VWA3A: variants seen among roughly 807,000 people sequenced by gnomAD.
The protein encoded by VWA3A is von Willebrand factor A domain containing 3A.
VWA3A carries 134 observed loss-of-function variants against 160.4 expected under a neutral mutation model. The observed-to-expected ratio is 0.84, with a 90% CI of 0.73 to 0.96. The LOEUF (loss-of-function observed/expected upper bound fraction) is 0.96. Among genes scored for constraint, VWA3A ranks in the 40% least tolerant of loss-of-function variants. VWA3A has a pLI of 0.00. For synonymous variants in VWA3A, 476 were observed against 543.4 expected (o/e 0.88, Z 1.72); for missense variants, 1,310 against 1,447.9 (o/e 0.90, Z 1.55).
rs1457419917 is a variant in VWA3A at position 22,141,680 on chromosome 16, G to A, written c.2482G>A (p.Gly828Arg). 3 of 1,609,390 alleles carry A rather than the reference G, an allele frequency of 1.9e-6. No homozygotes were observed. The Admixed American group carries it at 5.1e-5, about 27-fold the overall frequency. The change falls in exon 24 of 34, where the codon GGG becomes AGG. Residue 828 changes from glycine (G) to arginine (R), a missense_variant. By Grantham distance (125) the Gly-to-Arg change is moderately radical. Transcript: ENST00000389398. ...TCTTTTACTGTTCTACACAGAGAAA[G>A]GGAATGACGTGGGTAAGTTAGAGGC... ...TSLLLFYTEK[G>R]NDVGSVYKKY...
chr16:22,154,885 C>T (rs1225775734), intron 31 of VWA3A, among the ~76,000 whole-genome samples: 3 of 137,290 alleles, frequency 2.2e-5, no homozygotes, highest in Non-Finnish European at 4.6e-5. Flanking sequence ...ACCCGGGAAG[C>T]GGAGCTTGCA....
chr16:22,150,213 C>A (rs964354704), intron 29 of VWA3A, among the ~76,000 whole-genome samples: 2 of 152,160 alleles, frequency 1.3e-5, no homozygotes, highest in Admixed American at 1.3e-4. Context: ...ACCATCCTGA[C>A]CAACATGGTG....
intron 17 of VWA3A, among the ~76,000 whole-genome samples, chr16:22,127,158 G>T (rs113192491): frequency 8.6e-5 from 13 of 151,470 alleles, no homozygotes; most frequent in Non-Finnish European, 1.8e-4. Context: ...ATGGAGTCTC[G>T]CTCTGTTGCC....
At chr16:22,098,621 T>C (rs2045360497) in intron 3 of VWA3A, among the ~76,000 whole-genome samples, 1 of 152,180 alleles carries the variant, frequency 6.6e-6, no homozygotes, top group East Asian at 1.9e-4. Context: ...CCATTCTCTA[T>C]GCAAATGAAC....
intron 17 of VWA3A, among the ~76,000 whole-genome samples, chr16:22,127,691 T>C (rs1037429499): frequency 1.3e-5 from 2 of 152,210 alleles, no homozygotes; most frequent in African/African-American, 2.4e-5. Flanking sequence ...ATTCATTCAT[T>C]CAGCAATGTT....
intron 6 of VWA3A, among the ~76,000 whole-genome samples, chr16:22,109,045 A>T (rs978696351): frequency 4.6e-5 from 7 of 152,346 alleles, no homozygotes; most frequent in Middle Eastern, 3.4e-3. Flanking sequence ...CAACTCAGAG[A>T]TACCATTGCA....
At chr16:22,100,581 TC>T (rs2045393542) in intron 5 of VWA3A, 88 bp downstream of exon 5, 2 of 1,331,442 alleles carry the variant, frequency 1.5e-6, no homozygotes, top group African/African-American at 1.5e-5. Context: ...ATACCTGTAA[TC>T]CCAGTACTTT....
In VWA3A at chr16:22,109,699, CAGTTCACACTTAATT is replaced by C; in HGVS notation, c.582+122_582+136del. The stretch of plus-strand genomic sequence containing the variant: ...GCAAGATAGGGTGTCTTATAAAGAA[CAGTTCACACTTAATT>C]AGCACCTGTGGTTAGAGAACTATGT... On this transcript the variant is annotated intron_variant, in intron 7 of 33. Transcript: ENST00000389398. The C allele has an allele frequency of 3.7e-6, 3 of 806,050 alleles. No homozygotes were observed. The Admixed American group carries it at 6.6e-5, about 18-fold the overall frequency. The allele number at this position is 806,050 out of a possible 1,614,324, so 49.9% of individuals were successfully genotyped here.
chr16:22,094,512 G>A (rs2045286178), intron 1 of VWA3A, among the ~76,000 whole-genome samples: 2 of 151,944 alleles, frequency 1.3e-5, no homozygotes, highest in Admixed American at 1.3e-4. Context: ...CTCACTTGCT[G>A]TGTCTTAGCT....
chr16:22,096,482 C>T (rs997648690), intron 1 of VWA3A, among the ~76,000 whole-genome samples: 6 of 152,126 alleles, frequency 3.9e-5, no homozygotes, highest in South Asian at 4.2e-4. Context: ...AATGGCCGGG[C>T]GTGGTGACTC....
In VWA3A at chr16:22,133,038, G is replaced by A. The variant is rs143799194; in HGVS notation, c.2011G>A (p.Ala671Thr). The A allele has an allele frequency of 2.2e-4, 363 of 1,613,834 alleles. 2 individuals are homozygous for A. The East Asian group carries it at 7.0e-3, about 31-fold the overall frequency. ...TGCCAGTCACACTGACACAGCCGCCGCCTACAAGGAGGTCACCCGGGCTGC... is the reference window on the plus strand; with the variant it reads ...TGCCAGTCACACTGACACAGCCGCCACCTACAAGGAGGTCACCCGGGCTGC... ...RYASHTDTAA[A>T]YKEVTRAAGG... The change falls in exon 20 of 34, where the codon GCC becomes ACC. Residue 671 changes from alanine (A) to threonine (T), a missense_variant. Coordinates refer to ENST00000389398, the MANE Select transcript of VWA3A (RefSeq NM_173615.5).
chr16:22,096,963 ATTTTTTTTTT>A lies in VWA3A; in HGVS notation c.101+29_101+38del. The A allele has an allele frequency of 9.3e-7, 1 of 1,079,058 alleles. No homozygotes were observed. Among genetic ancestry groups the A allele is most frequent in the Non-Finnish European group, 1.3e-6 (1 of 783,744 alleles). 66.8% of individuals were successfully genotyped at this position (1,079,058 alleles called of 1,614,324 possible). On this transcript the variant is annotated intron_variant, in intron 2 of 33. Coordinates refer to ENST00000389398, the MANE Select transcript of VWA3A (RefSeq NM_173615.5). ...AACCATTGGTAAGCATAGTTCTCTGATTTTTTTTTTTTTTTTTTTTGAGGCAGATTCTCGC... is the reference window on the plus strand; with the variant it reads ...AACCATTGGTAAGCATAGTTCTCTGATTTTTTTTTTGAGGCAGATTCTCGC...
intron 16 of VWA3A, among the ~76,000 whole-genome samples, chr16:22,124,567 TATTATTATTAGA>T (rs1311163117): frequency 4.3e-5 from 6 of 139,714 alleles, no homozygotes; most frequent in Non-Finnish European, 7.7e-5. Context: ...TTATTATTAT[TATTATTATTAGA>T]GACAGAGTCT....
intron 24 of VWA3A, 119 bp from the exon 25 acceptor site, chr16:22,142,549 C>A (rs879219925): frequency 1.4e-6 from 1 of 717,164 alleles, no homozygotes; most frequent in Admixed American, 2.2e-5. Context: ...GGGATCCGTT[C>A]CCATGACCCA....
chr16:22,112,181 T>C lies in VWA3A; in HGVS notation c.689+1187T>C, dbSNP rs147686954. ...TTTTTTGAGGGACAGGAGGGAGGTATGTAAGAATTTCTACTTATCCAGTGA... is the reference window on the plus strand; with the variant it reads ...TTTTTTGAGGGACAGGAGGGAGGTACGTAAGAATTTCTACTTATCCAGTGA... On this transcript the variant is annotated intron_variant, in intron 8 of 33. Transcript: ENST00000389398. Among the ~76,000 whole-genome samples the C allele has an allele frequency of 2.2e-4, 33 of 152,232 alleles. No homozygotes were observed. In the East Asian group the frequency reaches 6.2e-3, roughly 29 times the overall value.
rs746722541 is a variant in VWA3A at position 22,131,601 on chromosome 16, C to G, written c.1744C>G (p.Arg582Gly). 1 of 1,612,834 alleles carries G rather than the reference C, an allele frequency of 6.2e-7. No homozygotes were observed. The highest frequency in any genetic ancestry group is 8.5e-7 in the Non-Finnish European group (1 of 1,179,410). The change falls in exon 19 of 34, where the codon CGG becomes GGG. Residue 582 changes from arginine (R) to glycine (G), a missense_variant. Physicochemically the swap from Arg to Gly is moderately radical, Grantham distance 125 (BLOSUM62 -2). Coordinates refer to ENST00000389398, the MANE Select transcript of VWA3A (RefSeq NM_173615.5). ...QSAWRWALNL[R>G]CRGSRNVLSA... ...CCTCCGCAGGTGGGCCCTGAACCTG[C>G]GGTGTCGGGGCAGCAGGAACGTTCT...
At position 22,147,726 on chromosome 16, in the gene VWA3A, C is replaced by T. The variant is rs116888262; in HGVS notation, c.2840-436C>T. 1.2e-3 allele frequency: 857 copies of T among 698,076 alleles called. 7 individuals carry two copies. The East Asian group carries it at 0.013, about 11-fold the overall frequency. The allele number at this position is 698,076 out of a possible 1,614,324, so 43.2% of individuals were successfully genotyped here. A position where few individuals can be genotyped will look rare whatever the true frequency, so the allele number is the denominator to read the frequency against. ...CCTCGGTTCACATTACCCCTGGGAA[C>T]GGTGACATAAAACCAGAGATCCAGC... On this transcript the variant is annotated intron_variant, in intron 27 of 33. Transcript: ENST00000389398.
chr16:22,099,940 T>C (rs1303317851), intron 3 of VWA3A, among the ~76,000 whole-genome samples: 1 of 152,074 alleles, frequency 6.6e-6, no homozygotes, highest in African/African-American at 2.4e-5. Flanking sequence ...CCAAGCGTGG[T>C]GGTGCATGCC....
chr16:22,156,002 T>G, intron 33 of VWA3A, 30 bp from the exon 34 acceptor site: 1 of 1,436,624 alleles, frequency 7.0e-7, no homozygotes, highest in Non-Finnish European at 9.6e-7. Context: ...ATAATAACTT[T>G]GGTTAAAAAA....
Sources: allele counts gnomAD v4.1 joint callset (sites outside exome capture counted in the v4.1 genomes callset), GRCh38; gene constraint gnomAD v4.1.1; transcripts MANE v1.5; gene names NCBI Gene and HGNC (gene_info 2026-07-23, HGNC 2026-07-21).